AOC3: variants seen among roughly 807,000 people sequenced by gnomAD.
AOC3 encodes the protein amine oxidase [copper-containing] 3.
In AOC3, 47 loss-of-function variants were observed where a neutral mutation model predicts 55.4. The ratio of observed to expected loss-of-function variants is 0.85; its 90% CI spans 0.67 to 1.08. The LOEUF is 1.08. Among genes scored for constraint, AOC3 ranks in the 50% least tolerant of loss-of-function variants. The pLI, the probability that AOC3 is intolerant of heterozygous loss-of-function variation, is 0.00. For missense variants in AOC3, 853 were observed against 993.1 expected, an observed-to-expected ratio of 0.86 and a Z score of 1.90; for synonymous variants, 386 against 410.7, an observed-to-expected ratio of 0.94 and a Z score of 0.73.
chr17:42,853,185 C>T, intron 1 of AOC3: 1 of 1,362,270 alleles, frequency 7.3e-7, no homozygotes, highest in Non-Finnish European at 9.5e-7. Flanking sequence ...TGGCCGAGCT[C>T]AGGGAGGAGG....
chr17:42,852,862 T>C lies in AOC3; in HGVS notation c.1519T>C (p.Tyr507His), dbSNP rs2144295896. The change falls in exon 1 of 4, where the codon TAC becomes CAC. Residue 507 changes from tyrosine to histidine, a missense_variant. Tyr to His is a moderately conservative substitution (Grantham distance 83). Transcript: ENST00000308423. ...SAFLFGATGKYGNQVSEHTLG... is the reference protein window; with the variant it reads ...SAFLFGATGKHGNQVSEHTLG... ...ATTCCTCTTTGGTGCTACTGGGAAGTACGGGAACCAAGTGTCAGAGCACAC... is the reference window on the plus strand; with the variant it reads ...ATTCCTCTTTGGTGCTACTGGGAAGCACGGGAACCAAGTGTCAGAGCACAC... 6.2e-7 allele frequency: 1 copy of C among 1,613,478 alleles called. No individual in the cohort carries two copies. Among genetic ancestry groups the C allele is most frequent in the East Asian group, 2.2e-5 (1 of 44,836 alleles).
At position 42,852,267 on chromosome 17, in the gene AOC3, G is replaced by A. The variant is rs374175352; in HGVS notation, c.924G>A (p.Pro308=). ...GGTCCCTGAAGTCCCCTGTGCCCCC[G>A]GGTCCAGCTCCCCCTCTACAGTTCT... ...GSWSLKSPVP[P]GPAPPLQFYP... Residue 308 remains proline, a synonymous_variant, in exon 1 of 4, where the codon CCG becomes CCA. Coordinates refer to ENST00000308423, the MANE Select transcript of AOC3 (RefSeq NM_003734.4). 88 of 1,613,754 alleles carry A rather than the reference G, an allele frequency of 5.5e-5. No individual in the cohort carries two copies. Among genetic ancestry groups the A allele is most frequent in the Non-Finnish European group, 6.5e-5 (77 of 1,179,998 alleles).
Position 42,852,210 on chromosome 17 carries a change from G to A in AOC3, c.867G>A (p.Val289=), listed in dbSNP as rs1457621289. The change falls in exon 1 of 4, where the codon GTG becomes GTA. Residue 289 remains valine (V), a synonymous_variant. Coordinates refer to ENST00000308423, the MANE Select transcript of AOC3 (RefSeq NM_003734.4). ...AQFEAGLVNV[V]LIPDNGTGGS... is the part of the protein sequence containing the mutation. ...TTGAGGCCGGCCTGGTGAATGTGGT[G>A]CTGATCCCAGACAATGGCACAGGTG... 2 of 1,613,572 alleles carry A rather than the reference G, an allele frequency of 1.2e-6. No individual in the cohort carries two copies. Among genetic ancestry groups the A allele is most frequent in the Non-Finnish European group, 1.7e-6 (2 of 1,179,716 alleles).
rs750534011 is a variant in AOC3, at chr17:42,855,441, T to A, written c.1887-3T>A. The A allele has an allele frequency of 4.4e-6, 7 of 1,601,672 alleles. No homozygotes were observed. In the South Asian group the frequency reaches 7.9e-5, roughly 18 times the overall value. ...CATGGAGGCCTGACCAGTGCCTCCC[T>A]AGGTACCAGCTGGCTGTGACCCAGC... On this transcript the variant is annotated splice_polypyrimidine_tract_variant and splice_region_variant and intron_variant, in intron 2 of 3. Transcript: ENST00000308423.
chr17:42,851,650 C>G lies in AOC3; in HGVS notation c.307C>G (p.Leu103Val), dbSNP rs773042042. The G allele has an allele frequency of 8.1e-6, 13 of 1,613,060 alleles. No individual in the cohort carries two copies. In the East Asian group the frequency reaches 2.9e-4, roughly 36 times the overall value. ...DNCVFSVELQ[L>V]PPKAAALAHL... ...CTGTGTCTTCTCAGTGGAGTTGCAG[C>G]TGCCTCCCAAGGCTGCAGCCCTGGC... Residue 103 changes from leucine to valine, a missense_variant, in exon 1 of 4, where the codon CTG (leucine) becomes GTG (valine). Coordinates refer to ENST00000308423, the MANE Select transcript of AOC3 (RefSeq NM_003734.4).
In AOC3 at chr17:42,852,256, C is replaced by T; in HGVS notation, c.913C>T (p.Pro305Ser). 1.2e-6 allele frequency: 2 copies of T among 1,613,868 alleles called. No individual in the cohort carries two copies. Among genetic ancestry groups the T allele is most frequent in the Admixed American group, 1.7e-5 (1 of 60,004 alleles). Residue 305 changes from proline to serine, a missense_variant, in exon 1 of 4, where the codon CCT becomes TCT. Transcript: ENST00000308423. Reference sequence around the variant, plus strand: ...AGGTGGGTCCTGGTCCCTGAAGTCCCCTGTGCCCCCGGGTCCAGCTCCCCC... The same window carrying T: ...AGGTGGGTCCTGGTCCCTGAAGTCCTCTGTGCCCCCGGGTCCAGCTCCCCC... ...GTGGSWSLKS[P>S]VPPGPAPPLQ...
intron 2 of AOC3, 97 bp downstream of exon 2, chr17:42,854,830 C>A: frequency 9.3e-6 from 10 of 1,070,956 alleles, no homozygotes; most frequent in Non-Finnish European, 1.2e-5. Flanking sequence ...GGAGAGCTCT[C>A]TCAGGAAGGC....
chr17:42,851,825 G>C lies in AOC3; in HGVS notation c.482G>C (p.Gly161Ala), dbSNP rs373417620. Residue 161 changes from glycine (G) to alanine (A), a missense_variant, in exon 1 of 4, where the codon GGA becomes GCA. By Grantham distance (60) the Gly-to-Ala change is moderately conservative. Transcript: ENST00000308423. ...CGGGACGTGACTGTGGAGCGTCATGGAGGCCCCCTGCCCTATCACCGACGC... is the reference window on the plus strand; with the variant it reads ...CGGGACGTGACTGTGGAGCGTCATGCAGGCCCCCTGCCCTATCACCGACGC... The part of the protein sequence containing the change: ...YMRDVTVERH[G>A]GPLPYHRRPV... 1.2e-6 allele frequency: 2 copies of C among 1,613,480 alleles called. No individual in the cohort carries two copies. Among genetic ancestry groups the C allele is most frequent in the African/African-American group, 2.7e-5 (2 of 74,938 alleles).
chr17:42,857,055 G>A lies in AOC3; in HGVS notation c.*505G>A. On this transcript the variant is annotated 3_prime_UTR_variant, in exon 4 of 4. Transcript: ENST00000308423. ...ACTTCCTCCTCCTCCTCCTGTTCCT[G>A]CCTTCTCTTCTATCCTGCAATTTCT... 6.2e-6 allele frequency: 1 copy of A among 160,850 alleles called. No homozygotes were observed. Among genetic ancestry groups the A allele is most frequent in the Non-Finnish European group, 1.4e-5 (1 of 73,422 alleles). The allele number at this position is 160,850 out of a possible 1,614,324, so 10.0% of individuals were successfully genotyped here.
rs372891728 is a variant in AOC3 at position 42,852,069 on chromosome 17, C to T, written c.726C>T (p.His242=). ...CGGGCGCTGGGTTCTTCCTGCACCA[C>T]GTGGGCTTGGAGCTGCTAGTGAACC... ...NISGAGFFLH[H]VGLELLVNHK... Residue 242 remains histidine (H), a synonymous_variant, in exon 1 of 4, where the codon CAC becomes CAT. Coordinates refer to ENST00000308423, the MANE Select transcript of AOC3 (RefSeq NM_003734.4). 2.5e-4 allele frequency: 398 copies of T among 1,613,766 alleles called. No individual in the cohort carries two copies. Among genetic ancestry groups the T allele is most frequent in the Non-Finnish European group, 3.0e-4 (349 of 1,179,854 alleles).
At position 42,851,745 on chromosome 17, in the gene AOC3, C is replaced by T; in HGVS notation, c.402C>T (p.Pro134=). 6.2e-7 allele frequency: 1 copy of T among 1,612,474 alleles called. No individual in the cohort carries two copies. Among genetic ancestry groups the T allele is most frequent in the Non-Finnish European group, 8.5e-7 (1 of 1,179,530 alleles). ...CCATCGTCTTCTTTGGCAGGCAACC[C>T]CAGCCCAACGTGAGTGAGCTGGTGG... The part of the protein sequence containing the change: ...ALAIVFFGRQ[P]QPNVSELVVG... The change falls in exon 1 of 4, where the codon CCC becomes CCT. Residue 134 remains proline, a synonymous_variant. Coordinates refer to ENST00000308423, the MANE Select transcript of AOC3 (RefSeq NM_003734.4).
In AOC3 at chr17:42,856,456, C is replaced by A. The variant is rs1165390331; in HGVS notation, c.2198C>A (p.Ala733Asp). 1.2e-6 allele frequency: 2 copies of A among 1,613,470 alleles called. No individual in the cohort carries two copies. Among genetic ancestry groups the A allele is most frequent in the Non-Finnish European group, 1.7e-6 (2 of 1,179,634 alleles). ...IYFRGDQDAG[A>D]CEVNPLACLP... is the part of the protein sequence containing the mutation. ...TTCCGAGGGGACCAGGATGCTGGGG[C>A]CTGCGAGGTCAACCCCCTAGCTTGC... Residue 733 changes from alanine (A) to aspartate (D), a missense_variant, in exon 4 of 4, where the codon GCC becomes GAC. Physicochemically the swap from Ala to Asp is moderately radical, Grantham distance 126. Coordinates refer to ENST00000308423, the MANE Select transcript of AOC3 (RefSeq NM_003734.4).
At position 42,856,416 on chromosome 17, in the gene AOC3, G is replaced by A. The variant is rs1296541853; in HGVS notation, c.2158G>A (p.Ala720Thr). The A allele has an allele frequency of 1.9e-6, 3 of 1,614,022 alleles. No individual in the cohort carries two copies. The highest frequency in any genetic ancestry group is 2.5e-6 in the Non-Finnish European group (3 of 1,180,030). The change falls in exon 4 of 4, where the codon GCC becomes ACC. Residue 720 changes from alanine (A) to threonine (T), a missense_variant. Ala to Thr is a moderately conservative substitution (Grantham distance 58). Transcript: ENST00000308423. ...TGACGAAGACCCCTCCTTCTACTCT[G>A]CCGACTCCATCTACTTCCGAGGGGA... is the stretch of plus-strand genomic sequence containing the variant. The part of the protein sequence containing the change: ...FFDEDPSFYS[A>T]DSIYFRGDQD...
In AOC3 at chr17:42,857,734, A is replaced by G. The variant is rs2055769223; in HGVS notation, c.*1184A>G. The G allele has an allele frequency of 6.6e-6, 1 of 152,250 alleles. No individual in the cohort carries two copies. The allele number at this position is 152,250 out of a possible 1,614,324, so 9.4% of individuals were successfully genotyped here. A position where few individuals can be genotyped will look rare whatever the true frequency, so the allele number is the denominator to read the frequency against. On this transcript the variant is annotated 3_prime_UTR_variant, in exon 4 of 4. Coordinates refer to ENST00000308423, the MANE Select transcript of AOC3 (RefSeq NM_003734.4). ...TGGGGATGGGGACAAAGAAATAGCA[A>G]GAGATGAGAAACAACAGAAACTTTT...
intron 2 of AOC3, among the ~76,000 whole-genome samples, chr17:42,855,078 C>T (rs2055730967): frequency 6.6e-6 from 1 of 152,154 alleles, no homozygotes; most frequent in South Asian, 2.1e-4. Flanking sequence ...AACTCCTGAC[C>T]TCATGATCCA....
Position 42,856,838 on chromosome 17 carries a change from T to A in AOC3, c.*288T>A, listed in dbSNP as rs1473442042. On this transcript the variant is annotated 3_prime_UTR_variant, in exon 4 of 4. Transcript: ENST00000308423. The stretch of plus-strand genomic sequence containing the variant: ...GTGGCCGAGGGCTTCCCTAGATGGT[T>A]CCCTTTGTTGCTGTCTGGCTTTCCC... 1 of 472,990 alleles carries A rather than the reference T, an allele frequency of 2.1e-6. No individual in the cohort carries two copies. The highest frequency in any genetic ancestry group is 1.9e-5 in the African/African-American group (1 of 51,448). 29.3% of individuals were successfully genotyped at this position (472,990 alleles called of 1,614,324 possible).
Position 42,854,574 on chromosome 17 carries a change from C to T in AOC3, c.1727C>T (p.Ala576Val). ...RKLLEMEEQA[A>V]FLVGSATPRY... ...CTGCTGGAGATGGAGGAGCAGGCCG[C>T]CTTCCTCGTGGGAAGCGCCACCCCT... The change falls in exon 2 of 4, where the codon GCC (alanine) becomes GTC (valine). Residue 576 changes from alanine to valine, a missense_variant. Transcript: ENST00000308423. 1 of 1,610,518 alleles carries T rather than the reference C, an allele frequency of 6.2e-7. No homozygotes were observed. The highest frequency in any genetic ancestry group is 1.3e-5 in the African/African-American group (1 of 74,916).
chr17:42,853,226 C>A, intron 1 of AOC3: 1 of 1,272,472 alleles, frequency 7.9e-7, no homozygotes, highest in Non-Finnish European at 1.0e-6. Flanking sequence ...TCCCCATTGC[C>A]CTCTTCTCTC....
At position 42,855,526 on chromosome 17, in the gene AOC3, A is replaced by G. The variant is rs2055737502; in HGVS notation, c.1969A>G (p.Thr657Ala). 1.9e-6 allele frequency: 3 copies of G among 1,614,030 alleles called. No individual in the cohort carries two copies. Among genetic ancestry groups the G allele is most frequent in the African/African-American group, 2.7e-5 (2 of 75,010 alleles). The change falls in exon 3 of 4, where the codon ACT becomes GCT. Residue 657 changes from threonine to alanine, a missense_variant. Physicochemically the swap from Thr to Ala is moderately conservative, Grantham distance 58. Transcript: ENST00000308423. The stretch of plus-strand genomic sequence containing the variant: ...CAATCAGAATGACCCTTGGGCCCCC[A>G]CTGTGGATTTCAGTGACTTCATCAA... The part of the protein sequence containing the change: ...VFNQNDPWAP[T>A]VDFSDFINNE...
Sources: gnomAD v4.1 joint callset for allele counts (sites outside exome capture counted in the v4.1 genomes callset) on GRCh38, gnomAD v4.1.1 for gene constraint, MANE v1.5 for transcripts, NCBI Gene and HGNC (gene_info 2026-07-23, HGNC 2026-07-21) for gene names.